The following ASTN2 variants were observed in gnomAD, a reference collection of about 807,000 sequenced individuals.
ASTN2 encodes astrotactin-2.
Under a neutral mutation model 139.8 loss-of-function variants are expected in ASTN2, and 54 were observed. The observed-to-expected ratio is 0.39, with a 90% CI of 0.31 to 0.48. ASTN2 has a LOEUF of 0.48. ASTN2 is among the 20% of genes least tolerant of loss of function. ASTN2 has a pLI of 0.95. For synonymous variants in ASTN2, 756 were observed against 719.5 expected, an observed-to-expected ratio of 1.05 and a Z score of -0.81; for missense variants, 1,565 against 1,725.1, an observed-to-expected ratio of 0.91 and a Z score of 1.64.
intron 4 of ASTN2, among the ~76,000 whole-genome samples, chr9:117,129,169 T>C (rs1293710098): frequency 6.6e-6 from 1 of 152,200 alleles, no homozygotes; most frequent in Non-Finnish European, 1.5e-5. Context: ...AGCAGAAATA[T>C]GAGATATATG....
chr9:117,138,240 G>C (rs1281243063), intron 4 of ASTN2, among the ~76,000 whole-genome samples: 1 of 152,144 alleles, frequency 6.6e-6, no homozygotes, highest in Non-Finnish European at 1.5e-5. Flanking sequence ...GTAGCAGGTT[G>C]GGGACTGAAA....
At chr9:116,488,610 G>T (rs893647544) in intron 19 of ASTN2, among the ~76,000 whole-genome samples, 4 of 152,248 alleles carry the variant, frequency 2.6e-5, no homozygotes, top group African/African-American at 7.2e-5. Context: ...AAAATAATCT[G>T]TGAAAGAATA....
chr9:116,539,044 C>T (rs560113880), intron 19 of ASTN2, among the ~76,000 whole-genome samples: 17 of 152,200 alleles, frequency 1.1e-4, no homozygotes, highest in African/African-American at 2.9e-4. Flanking sequence ...GTACATGCTA[C>T]GACATGGACG....
intron 1 of ASTN2, among the ~76,000 whole-genome samples, chr9:117,348,811 T>C (rs1020788915): frequency 7.9e-5 from 12 of 151,956 alleles, no homozygotes; most frequent in African/African-American, 2.9e-4. Flanking sequence ...GGTTGGAGTA[T>C]TTCATTAATA....
intron 3 of ASTN2, among the ~76,000 whole-genome samples, chr9:117,182,093 T>C (rs1198204228): frequency 6.6e-6 from 1 of 152,082 alleles, no homozygotes; most frequent in East Asian, 1.9e-4. Flanking sequence ...ATTAATGGGG[T>C]GCCAGCAGCC....
At chr9:116,435,051 A>G (rs931864328) in intron 22 of ASTN2, among the ~76,000 whole-genome samples, 1 of 152,190 alleles carries the variant, frequency 6.6e-6, no homozygotes, top group African/African-American at 2.4e-5. Context: ...CCTCTAGTCA[A>G]CCTGGGTCCC....
rs939271787 is a variant in ASTN2, at chr9:117,147,479, G to T, written c.1016-6001C>A. Reference sequence around the variant, plus strand: ...CACACACACACCCCCGTTATCCACCGTTCTCTTCCCCCACGCAACCACCCA... The same window carrying T: ...CACACACACACCCCCGTTATCCACCTTTCTCTTCCCCCACGCAACCACCCA... On this transcript the variant is annotated intron_variant, in intron 3 of 22. Transcript: ENST00000313400. Among the ~76,000 whole-genome samples the T allele has an allele frequency of 2.0e-5, 3 of 149,160 alleles. No homozygotes were observed. The South Asian group carries it at 6.3e-4, about 31-fold the overall frequency.
chr9:116,675,496 C>T (rs1438212090), intron 16 of ASTN2, among the ~76,000 whole-genome samples: 15 of 152,118 alleles, frequency 9.9e-5, no homozygotes, highest in Admixed American at 7.2e-4. Context: ...TTAGCTCTTT[C>T]CAACTAGTAG....
chr9:116,628,232 A>G (rs1385733477), intron 17 of ASTN2, among the ~76,000 whole-genome samples: 1 of 152,220 alleles, frequency 6.6e-6, no homozygotes, highest in Non-Finnish European at 1.5e-5. Flanking sequence ...AGAAGCCACA[A>G]GTGTGAACAA....
At chr9:116,677,515 G>T (rs1859581813) in intron 16 of ASTN2, among the ~76,000 whole-genome samples, 1 of 152,098 alleles carries the variant, frequency 6.6e-6, no homozygotes, top group South Asian at 2.1e-4. Flanking sequence ...ATGGCTAATA[G>T]CACTTATGGA....
At chr9:117,017,882 T>A (rs1189325893) in intron 6 of ASTN2, among the ~76,000 whole-genome samples, 1 of 151,868 alleles carries the variant, frequency 6.6e-6, no homozygotes, top group Non-Finnish European at 1.5e-5. Context: ...CAATAATGTG[T>A]CCTATATAGA....
At position 117,331,261 on chromosome 9, in the gene ASTN2, G is replaced by A. The variant is rs1371596895; in HGVS notation, c.443-39748C>T. ...AACCTGAGCTATTAGCTCCTTTCAG[G>A]CTTAGAGCCCGAGGTTTCCTGCCTT... On this transcript the variant is annotated intron_variant, in intron 1 of 22. Transcript: ENST00000313400. Among the ~76,000 whole-genome samples, 10 of 152,062 alleles carry A rather than the reference G, an allele frequency of 6.6e-5. No individual in the cohort carries two copies. In the East Asian group the frequency reaches 1.7e-3, roughly 26 times the overall value.
At position 117,071,147 on chromosome 9, in the gene ASTN2, T is replaced by G. The variant is rs1828110188; in HGVS notation, c.1276+24897A>C. On this transcript the variant is annotated intron_variant, in intron 5 of 22. Coordinates refer to ENST00000313400, the MANE Select transcript of ASTN2 (RefSeq NM_001365068.1). ...TTTTCCCCATCTTTGTGGTTTTATC[T>G]ACTTTTGGTGTTTGATGATGGTGAT... Among the ~76,000 whole-genome samples the G allele has an allele frequency of 4.0e-5, 6 of 151,272 alleles. No homozygotes were observed. In the South Asian group the frequency reaches 1.3e-3, roughly 32 times the overall value.
At chr9:116,468,465 C>T (rs541635958) in intron 20 of ASTN2, among the ~76,000 whole-genome samples, 1 of 152,288 alleles carries the variant, frequency 6.6e-6, no homozygotes, top group Admixed American at 6.5e-5. Flanking sequence ...AGGAAGGATG[C>T]TCATGTACAC....
chr9:116,531,372 A>AT (rs1007952837), intron 19 of ASTN2, among the ~76,000 whole-genome samples: 20 of 152,030 alleles, frequency 1.3e-4, no homozygotes, highest in Non-Finnish European at 2.5e-4. Context: ...GATGTTTACA[A>AT]TTTTTTTATT....
chr9:116,988,753 T>A (rs1465328879), intron 7 of ASTN2, among the ~76,000 whole-genome samples: 1 of 152,172 alleles, frequency 6.6e-6, no homozygotes, highest in Non-Finnish European at 1.5e-5. Context: ...TTTGTGACCC[T>A]ACTTGGCCAT....
chr9:116,884,152 C>T (rs981487337), intron 10 of ASTN2, among the ~76,000 whole-genome samples: 2 of 152,136 alleles, frequency 1.3e-5, no homozygotes, highest in African/African-American at 2.4e-5. Context: ...TTCCATCCCA[C>T]AGCCAGACAG....
chr9:116,600,562 C>T (rs1854841127), intron 19 of ASTN2, among the ~76,000 whole-genome samples: 1 of 152,110 alleles, frequency 6.6e-6, no homozygotes, highest in African/African-American at 2.4e-5. Context: ...ATCCTCAACT[C>T]CCTCATCTGT....
chr9:117,202,604 G>A (rs755417482), intron 3 of ASTN2, among the ~76,000 whole-genome samples: 1 of 152,138 alleles, frequency 6.6e-6, no homozygotes, highest in Non-Finnish European at 1.5e-5. Context: ...ATGAAGCTTA[G>A]TTTGGCTAGA....
Sources: gnomAD v4.1 joint callset for allele counts (sites outside exome capture counted in the v4.1 genomes callset) on GRCh38, gnomAD v4.1.1 for gene constraint, MANE v1.5 for transcripts, NCBI Gene and HGNC (gene_info 2026-07-23, HGNC 2026-07-21) for gene names.